Variants in CUL9 observed in about 807,000 individuals in gnomAD.
The protein encoded by CUL9 is cullin 9, also known as cullin-9.
CUL9 carries 79 observed loss-of-function variants against 272.6 expected under a neutral mutation model. The observed-to-expected ratio is 0.29, with a 90% confidence interval of 0.24 to 0.35. CUL9 has a LOEUF of 0.35. Ranked by LOEUF, CUL9 falls within the 10% of genes least tolerant of loss-of-function variation. The pLI is 1.00. For synonymous variants in CUL9, 1,186 were observed against 1,286.5 expected (o/e 0.92, Z 1.67); for missense variants, 2,532 against 3,255.6 (o/e 0.78, Z 5.41).
chr6:43,198,970 C>G, intron 12 of CUL9, 115 bp downstream of exon 12: 6 of 1,343,098 alleles, frequency 4.5e-6, no homozygotes, highest in Non-Finnish European at 9.9e-7. Context: ...GAGTTTCACT[C>G]TTGTTGCCCA....
chr6:43,223,080 C>A lies in CUL9; in HGVS notation c.7150+184C>A. Reference sequence around the variant, plus strand: ...GTCGAAAGCCTACATTGTAAGGTGCCCAAGGGCGCAGATGTTCGTGGATGT... The same window carrying A: ...GTCGAAAGCCTACATTGTAAGGTGCACAAGGGCGCAGATGTTCGTGGATGT... On this transcript the variant is annotated intron_variant, in intron 38 of 40. Coordinates refer to ENST00000252050, the MANE Select transcript of CUL9 (RefSeq NM_015089.4). The surrounding 1 kb of genome is among the most constrained non-coding windows in gnomAD (Gnocchi z 4.1). 1 of 975,380 alleles carries A rather than the reference C, an allele frequency of 1.0e-6. No homozygotes were observed. The allele number at this position is 975,380 out of a possible 1,614,324, so 60.4% of individuals were successfully genotyped here.
chr6:43,197,762 G>A (rs1435366124), intron 11 of CUL9, among the ~76,000 whole-genome samples: 5 of 152,222 alleles, frequency 3.3e-5, no homozygotes, highest in African/African-American at 9.6e-5. Flanking sequence ...GATTAGAGGC[G>A]TGAGCCACTG....
chr6:43,193,728 C>T (rs752716246), intron 9 of CUL9, among the ~76,000 whole-genome samples: 6 of 151,898 alleles, frequency 4.0e-5, no homozygotes, highest in Non-Finnish European at 7.4e-5. Context: ...GAATGACTCC[C>T]GGGTGTAAAA....
At position 43,198,618 on chromosome 6, in the gene CUL9, C is replaced by T. The variant is rs780696929; in HGVS notation, c.2813C>T (p.Thr938Ile). 37 of 1,614,188 alleles carry T rather than the reference C, an allele frequency of 2.3e-5. No individual in the cohort carries two copies. In the South Asian group the frequency reaches 4.0e-4, roughly 17 times the overall value. ...GTGTGTCTGGCTGCAGCACTAGAGA[C>T]CCCCATCATCCAGGGTCAGGATGGG... ...PGSPERAALETPIIQGQDGSP... is the reference protein window; with the variant it reads ...PGSPERAALEIPIIQGQDGSP... The change falls in exon 12 of 41, where the codon ACC (threonine) becomes ATC (isoleucine). Residue 938 changes from threonine (T) to isoleucine (I), a missense_variant. Thr to Ile is a moderately conservative substitution (Grantham distance 89, BLOSUM62 -1). This residue lies in a region of CUL9 where 2,218 missense variants were observed against 2,788.6 expected (regional missense o/e 0.80). Coordinates refer to ENST00000252050, the MANE Select transcript of CUL9 (RefSeq NM_015089.4).
chr6:43,211,696 T>C (rs1268813265), intron 26 of CUL9, among the ~76,000 whole-genome samples: 1 of 152,210 alleles, frequency 6.6e-6, no homozygotes, highest in Admixed American at 6.5e-5. Context: ...TATACAAATG[T>C]AGACAGACTA....
At chr6:43,196,509 G>A in intron 10 of CUL9, 136 bp from the exon 11 acceptor site, 1 of 892,598 alleles carries the variant, frequency 1.1e-6, no homozygotes. Flanking sequence ...CCCAAGGTCA[G>A]GGGATCAGAT....
At position 43,220,661 on chromosome 6, in the gene CUL9, G is replaced by A; in HGVS notation, c.6423+62G>A. On this transcript the variant is annotated intron_variant, in intron 32 of 40. Coordinates refer to ENST00000252050, the MANE Select transcript of CUL9 (RefSeq NM_015089.4). This position sits in a 1 kb window ranked among gnomAD's most constrained non-coding sequence, Gnocchi z 4.9. Reference sequence around the variant, plus strand: ...GCCAAAGGAGTGTGCCCCAGGGAGTGGGCTGAGCTATGGGGTGCTGGGGGC... The same window carrying A: ...GCCAAAGGAGTGTGCCCCAGGGAGTAGGCTGAGCTATGGGGTGCTGGGGGC... 1 of 1,607,338 alleles carries A rather than the reference G, an allele frequency of 6.2e-7. No homozygotes were observed. Among genetic ancestry groups the A allele is most frequent in the South Asian group, 1.1e-5 (1 of 90,488 alleles).
rs2150572530 is a variant in CUL9 at position 43,200,477 on chromosome 6, A to G, written c.3426A>G (p.Gln1142=). Residue 1142 remains glutamine (Q), a synonymous_variant, in exon 15 of 41, where the codon CAA becomes CAG. Coordinates refer to ENST00000252050, the MANE Select transcript of CUL9 (RefSeq NM_015089.4). The surrounding 1 kb of genome is among the most constrained non-coding windows in gnomAD (Gnocchi z 4.0). ...GQIEDHRRTH[Q]PINIPFFDVF... ...TCGAAGACCACAGACGAACCCACCAACCCATCAATATCCCCTTCTTTGATG... is the reference window on the plus strand; with the variant it reads ...TCGAAGACCACAGACGAACCCACCAGCCCATCAATATCCCCTTCTTTGATG... 1 of 1,613,892 alleles carries G rather than the reference A, an allele frequency of 6.2e-7. No homozygotes were observed. Among genetic ancestry groups the G allele is most frequent in the South Asian group, 1.1e-5 (1 of 91,058 alleles).
chr6:43,223,844 C>CA lies in CUL9; in HGVS notation c.7285-250dup, dbSNP rs1441699750. On this transcript the variant is annotated intron_variant, in intron 39 of 40. Transcript: ENST00000252050. This position sits in a 1 kb window ranked among gnomAD's most constrained non-coding sequence, Gnocchi z 4.1. ...TCAGGTTGCTTACTGACTGGTAAGT[C>CA]ACATGGGCAGAAAAGACATAGATTC... The CA allele has an allele frequency of 7.2e-6, 4 of 558,562 alleles. No individual in the cohort carries two copies. The African/African-American group carries it at 7.5e-5, about 11-fold the overall frequency. The allele number at this position is 558,562 out of a possible 1,614,324, so 34.6% of individuals were successfully genotyped here.
At chr6:43,188,933 C>G in intron 8 of CUL9, 1 of 451,488 alleles carries the variant, frequency 2.2e-6, no homozygotes, top group Non-Finnish European at 3.9e-6. Context: ...TACATGCATT[C>G]TCTCATTAAA....
Position 43,206,437 on chromosome 6 carries a change from G to A in CUL9, c.5139G>A (p.Leu1713=). The change falls in exon 26 of 41, where the codon CTG becomes CTA. Residue 1713 remains leucine, a synonymous_variant. Transcript: ENST00000252050. This position sits in a 1 kb window ranked among gnomAD's most constrained non-coding sequence, Gnocchi z 4.8. The stretch of plus-strand genomic sequence containing the variant: ...GGCCCGTCTCCCCACTCTGCTACCT[G>A]TACCATCCCAGAAAGTGCCTTCCCA... ...RCWPVSPLCY[L]YHPRKCLPTE... 6.2e-7 allele frequency: 1 copy of A among 1,614,198 alleles called. No homozygotes were observed. Among genetic ancestry groups the A allele is most frequent in the Non-Finnish European group, 8.5e-7 (1 of 1,180,038 alleles).
In CUL9 at chr6:43,203,708, G is replaced by A. The variant is rs373240053; in HGVS notation, c.4025+116G>A. The A allele has an allele frequency of 2.0e-6, 3 of 1,487,438 alleles. No homozygotes were observed. Among genetic ancestry groups the A allele is most frequent in the African/African-American group, 2.8e-5 (2 of 71,776 alleles). 92.1% of individuals were successfully genotyped at this position (1,487,438 alleles called of 1,614,324 possible). A position where few individuals can be genotyped will look rare whatever the true frequency, so the allele number is the denominator to read the frequency against. On this transcript the variant is annotated intron_variant, in intron 19 of 40. Transcript: ENST00000252050. This position sits in a 1 kb window ranked among gnomAD's most constrained non-coding sequence, Gnocchi z 5.0. ...GCTGCAGCCAGGACATGAGGGGGAA[G>A]GTGAACGTAGGTGAGAAGTTTGTGT...
chr6:43,186,328 AT>A lies in CUL9; in HGVS notation c.1125del (p.Tyr375Ter). 6.2e-7 allele frequency: 1 copy of A among 1,614,222 alleles called. No individual in the cohort carries two copies. Among genetic ancestry groups the A allele is most frequent in the Non-Finnish European group, 8.5e-7 (1 of 1,180,044 alleles). ...QRSEFSSRSG[Y>X]GEYVQQTLQP... The stretch of plus-strand genomic sequence containing the variant: ...TCTGAATTCTCCAGCCGTAGTGGCT[AT>A]GGAGAATATGTGCAGCAGACACTGC... On this transcript the variant is annotated frameshift_variant, in exon 4 of 41. Coordinates refer to ENST00000252050, the MANE Select transcript of CUL9 (RefSeq NM_015089.4). LOFTEE classifies it high-confidence loss of function.
In CUL9 at chr6:43,208,897, G is replaced by A. The variant is rs1240412073; in HGVS notation, c.5212+2387G>A. On this transcript the variant is annotated intron_variant, in intron 26 of 40. Coordinates refer to ENST00000252050, the MANE Select transcript of CUL9 (RefSeq NM_015089.4). ...ACTCTGTCATCCAGGCTGGAGTGCA[G>A]TGTCACGATCTCAGGTGGCTAGCTG... Among the ~76,000 whole-genome samples, 3 of 152,210 alleles carry A rather than the reference G, an allele frequency of 2.0e-5. No individual in the cohort carries two copies. The East Asian group carries it at 5.8e-4, about 29-fold the overall frequency.
intron 30 of CUL9, among the ~76,000 whole-genome samples, chr6:43,215,855 T>C (rs2150628882): frequency 6.6e-6 from 1 of 152,324 alleles, no homozygotes; most frequent in African/African-American, 2.4e-5. Context: ...TCACTACAGG[T>C]GCTGCCACCA....
chr6:43,224,039 G>T lies in CUL9; in HGVS notation c.7285-56G>T, dbSNP rs1050259342. ...AGAGCATCAGTGGAAGGAATGCTGG[G>T]TCCAAAGGCCCCATGCCCTCTACCT... On this transcript the variant is annotated intron_variant, in intron 39 of 40. Transcript: ENST00000252050. The surrounding 1 kb of genome is among the most constrained non-coding windows in gnomAD (Gnocchi z 4.2). 2.6e-6 allele frequency: 4 copies of T among 1,555,618 alleles called. No homozygotes were observed. The highest frequency in any genetic ancestry group is 3.5e-6 in the Non-Finnish European group (4 of 1,127,158).
In CUL9 at chr6:43,220,587, G is replaced by A. The variant is rs368357324; in HGVS notation, c.6411G>A (p.Glu2137=). 19 of 1,613,994 alleles carry A rather than the reference G, an allele frequency of 1.2e-5. No homozygotes were observed. In the African/African-American group the frequency reaches 2.0e-4, roughly 17 times the overall value. Residue 2137 remains glutamate, a synonymous_variant, in exon 32 of 41, where the codon GAG becomes GAA. Coordinates refer to ENST00000252050, the MANE Select transcript of CUL9 (RefSeq NM_015089.4). The surrounding 1 kb of genome is among the most constrained non-coding windows in gnomAD (Gnocchi z 4.9). ...TTCGTGCCATCGTCTCCTCGCCAGA[G>A]GTCATCTCCAAGGTATCCCCTCTCG... ...AFIRAIVSSP[E]VISKYEKALL...
intron 9 of CUL9, among the ~76,000 whole-genome samples, chr6:43,194,646 A>G (rs1773837777): frequency 6.6e-6 from 1 of 152,078 alleles, no homozygotes; most frequent in Non-Finnish European, 1.5e-5. Flanking sequence ...TATGGGACCA[A>G]GAGCAGCCAG....
At position 43,186,948 on chromosome 6, in the gene CUL9, C is replaced by G; in HGVS notation, c.1252-12C>G. On this transcript the variant is annotated splice_polypyrimidine_tract_variant and intron_variant, in intron 4 of 40. Transcript: ENST00000252050. The stretch of plus-strand genomic sequence containing the variant: ...TCTCTATTCTGCTCTCTTTCTTCCT[C>G]CCTCATACCAGGTTTTCTGGCAGTC... 6 of 1,613,348 alleles carry G rather than the reference C, an allele frequency of 3.7e-6. No homozygotes were observed. The highest frequency in any genetic ancestry group is 5.1e-6 in the Non-Finnish European group (6 of 1,179,540).
Sources: gnomAD v4.1 joint callset for allele counts (sites outside exome capture counted in the v4.1 genomes callset) on GRCh38, gnomAD v4.1.1 for gene constraint, gnomAD v4.1.1 regional missense constraint, Gnocchi (gnomAD v3.1) non-coding constraint, MANE v1.5 for transcripts, NCBI Gene and HGNC (gene_info 2026-07-23, HGNC 2026-07-21) for gene names.